ABTB3: variants seen among roughly 807,000 people sequenced by gnomAD.
ABTB3 encodes the protein ankyrin repeat and BTB domain containing 3.
At chr12:107,604,786 A>C in the ABTB3 span, among the ~76,000 whole-genome samples, 1 of 152,238 alleles carries the variant, frequency 6.6e-6, no homozygotes, top group Non-Finnish European at 1.5e-5. Context: ...AGGAAATGAA[A>C]TCAGTATATC....
the ABTB3 span, chr12:107,581,199 T>A: frequency 2.7e-6 from 4 of 1,507,840 alleles, no homozygotes; most frequent in Non-Finnish European, 3.5e-6. Context: ...CGGGTGGCCG[T>A]GGCGCACGCC....
the ABTB3 span, among the ~76,000 whole-genome samples, chr12:107,396,634 A>T: frequency 2.7e-5 from 4 of 146,454 alleles, no homozygotes; most frequent in Non-Finnish European, 1.5e-5. Context: ...TTGCTTTGGG[A>T]CTCATGCCCT....
chr12:107,420,282 C>T, the ABTB3 span, among the ~76,000 whole-genome samples: 1 of 152,218 alleles, frequency 6.6e-6, no homozygotes, highest in East Asian at 1.9e-4. Flanking sequence ...GTGTATTAGT[C>T]CATTTTCATA....
the ABTB3 span, among the ~76,000 whole-genome samples, chr12:107,554,444 C>G: frequency 6.6e-6 from 1 of 152,116 alleles, no homozygotes. Flanking sequence ...CTTAACCACT[C>G]TGAGCCTCAG....
At chr12:107,508,200 C>T in the ABTB3 span, among the ~76,000 whole-genome samples, 1 of 151,736 alleles carries the variant, frequency 6.6e-6, no homozygotes, top group African/African-American at 2.4e-5. Context: ...TCTCCCATTG[C>T]TTAGCACAAT....
chr12:107,332,692 T>C, the ABTB3 span, among the ~76,000 whole-genome samples: 1 of 151,804 alleles, frequency 6.6e-6, no homozygotes, highest in Admixed American at 6.6e-5. Context: ...GAGGCCGGGG[T>C]TGAACCCAGG....
the ABTB3 span, among the ~76,000 whole-genome samples, chr12:107,331,900 C>T: frequency 6.6e-6 from 1 of 152,236 alleles, no homozygotes; most frequent in East Asian, 1.9e-4. Flanking sequence ...CCCGCCCCAC[C>T]TCTCCCCACC....
chr12:107,619,065 C>A, the ABTB3 span, among the ~76,000 whole-genome samples: 1 of 152,184 alleles, frequency 6.6e-6, no homozygotes, highest in East Asian at 1.9e-4. Context: ...CCATGGGTCC[C>A]TAAACACAGG....
the ABTB3 span, among the ~76,000 whole-genome samples, chr12:107,451,393 C>T: frequency 3.9e-5 from 6 of 152,210 alleles, no homozygotes; most frequent in Non-Finnish European, 7.3e-5. Flanking sequence ...TGCTGCGTTA[C>T]GCAGTACTGA....
At chr12:107,446,208 A>G in the ABTB3 span, among the ~76,000 whole-genome samples, 1 of 151,952 alleles carries the variant, frequency 6.6e-6, no homozygotes, top group Non-Finnish European at 1.5e-5. Flanking sequence ...AAAGAGCAGG[A>G]GCCTTCCAGA....
At chr12:107,505,681 C>T in the ABTB3 span, among the ~76,000 whole-genome samples, 1 of 151,994 alleles carries the variant, frequency 6.6e-6, no homozygotes, top group African/African-American at 2.4e-5. Context: ...CCTCTCCTTC[C>T]TCCCACCGTC....
the ABTB3 span, among the ~76,000 whole-genome samples, chr12:107,398,835 C>T: frequency 6.6e-6 from 1 of 152,152 alleles, no homozygotes; most frequent in African/African-American, 2.4e-5. Flanking sequence ...TTTGGCTTAG[C>T]AATACCTTCT....
the ABTB3 span, among the ~76,000 whole-genome samples, chr12:107,591,890 C>T: frequency 5.5e-3 from 836 of 152,242 alleles, 4 homozygotes; most frequent in Non-Finnish European, 6.9e-3. Context: ...AACCTGCCCA[C>T]GGTTACATGG....
At chr12:107,513,280 A>G in the ABTB3 span, among the ~76,000 whole-genome samples, 17 of 152,154 alleles carry the variant, frequency 1.1e-4, no homozygotes, top group Non-Finnish European at 1.8e-4. Context: ...GATAAGTAGC[A>G]TCTGATATGG....
At chr12:107,432,789 A>G in the ABTB3 span, among the ~76,000 whole-genome samples, 1 of 152,214 alleles carries the variant, frequency 6.6e-6, no homozygotes, top group Admixed American at 6.5e-5. Flanking sequence ...GAATCTGTAT[A>G]GGAGAGGCTC....
At chr12:107,510,657 G>A in the ABTB3 span, among the ~76,000 whole-genome samples, 1 of 152,104 alleles carries the variant, frequency 6.6e-6, no homozygotes, top group Non-Finnish European at 1.5e-5. Context: ...GCTCATGCCT[G>A]TGAAAGGAAT....
the ABTB3 span, among the ~76,000 whole-genome samples, chr12:107,413,760 C>T: frequency 3.3e-5 from 5 of 152,226 alleles, no homozygotes; most frequent in Non-Finnish European, 1.5e-5. Flanking sequence ...TTTGACAGCT[C>T]CTGCCCAGGC....
chr12:107,370,898 C>A, the ABTB3 span, among the ~76,000 whole-genome samples: 1 of 151,420 alleles, frequency 6.6e-6, no homozygotes, highest in African/African-American at 2.4e-5. Context: ...TTGTTTTCGA[C>A]CCAGCACACT....
chr12:107,388,129 C>T, the ABTB3 span, among the ~76,000 whole-genome samples: 1 of 151,948 alleles, frequency 6.6e-6, no homozygotes, highest in Non-Finnish European at 1.5e-5. Flanking sequence ...CCCGCCACCA[C>T]ACCTGCTAAT....
Sources: gnomAD v4.1 joint callset for allele counts (sites outside exome capture counted in the v4.1 genomes callset) on GRCh38, gnomAD v4.1.1 for gene constraint, MANE v1.5 for transcripts, NCBI Gene and HGNC (gene_info 2026-07-23, HGNC 2026-07-21) for gene names.